Variants in MAP2 observed in about 807,000 individuals in gnomAD.
The protein encoded by MAP2 is microtubule associated protein 2.
MAP2 carries 14 observed loss-of-function variants against 137.6 expected under a neutral mutation model. That is an observed-to-expected ratio of 0.10 (90% CI 0.07 to 0.16). The LOEUF is 0.16. Ranked by LOEUF, MAP2 falls within the 10% of genes least tolerant of loss-of-function variation. MAP2 has a pLI of 1.00. For missense variants in MAP2, 2,088 were observed against 2,191.5 expected (o/e 0.95, Z 0.94); for synonymous variants, 786 against 782.3 (o/e 1.00, Z -0.08).
In MAP2 at chr2:209,455,515, C is replaced by T. The variant is rs555321660; in HGVS notation, c.-222+31239C>T. On this transcript the variant is annotated intron_variant, in intron 1 of 15. Transcript: ENST00000682079. ...AAGTGTACTATTGTTTCATATTTATCATCCCTTGTAATGATCCTCAAATGT... is the reference window on the plus strand; with the variant it reads ...AAGTGTACTATTGTTTCATATTTATTATCCCTTGTAATGATCCTCAAATGT... Among the ~76,000 whole-genome samples, 9 of 152,264 alleles carry T rather than the reference C, an allele frequency of 5.9e-5. No homozygotes were observed. In the South Asian group the frequency reaches 1.7e-3, roughly 28 times the overall value.
chr2:209,573,379 C>T (rs1165171648), intron 2 of MAP2, among the ~76,000 whole-genome samples: 2 of 149,814 alleles, frequency 1.3e-5, no homozygotes, highest in East Asian at 2.0e-4. Flanking sequence ...CCACAACCTC[C>T]GCCTCCTGGG....
intron 1 of MAP2, among the ~76,000 whole-genome samples, chr2:209,499,296 T>C (rs974676646): frequency 3.3e-5 from 5 of 152,150 alleles, no homozygotes; most frequent in African/African-American, 9.7e-5. Flanking sequence ...ACATGTGACC[T>C]TTGCCCCAGT....
At chr2:209,469,806 A>C (rs1705200071) in intron 1 of MAP2, among the ~76,000 whole-genome samples, 1 of 152,202 alleles carries the variant, frequency 6.6e-6, no homozygotes, top group South Asian at 2.1e-4. Context: ...TCTTTCAGCC[A>C]CACACACTAG....
At chr2:209,669,775 A>G (rs1486101756) in intron 5 of MAP2, among the ~76,000 whole-genome samples, 2 of 151,808 alleles carry the variant, frequency 1.3e-5, no homozygotes, top group African/African-American at 4.8e-5. Flanking sequence ...TAACATGTGC[A>G]TACACACACA....
intron 2 of MAP2, among the ~76,000 whole-genome samples, chr2:209,515,600 C>T (rs890887779): frequency 2.6e-5 from 4 of 152,026 alleles, no homozygotes; most frequent in Non-Finnish European, 4.4e-5. Flanking sequence ...GGAGAAACCG[C>T]GCCCATGATT....
In MAP2 at chr2:209,693,613, C is replaced by G; in HGVS notation, c.1443C>G (p.Phe481Leu). 1.2e-6 allele frequency: 2 copies of G among 1,613,968 alleles called. No individual in the cohort carries two copies. Among genetic ancestry groups the G allele is most frequent in the Non-Finnish European group, 1.7e-6 (2 of 1,179,998 alleles). The change falls in exon 8 of 16, where the codon TTC becomes TTG. Residue 481 changes from phenylalanine (F) to leucine (L), a missense_variant. By Grantham distance (22) the Phe-to-Leu change is conservative. Coordinates refer to ENST00000682079, the MANE Select transcript of MAP2 (RefSeq NM_001375505.1). ...TTCAGACCTCCACAGAGCACACTTT[C>G]TCAGAACAGAAAGACCAAGAGCCTA... The part of the protein sequence containing the change: ...GIIQTSTEHT[F>L]SEQKDQEPTT...
intron 1 of MAP2, among the ~76,000 whole-genome samples, chr2:209,438,549 T>A (rs1696939338): frequency 1.3e-5 from 2 of 151,660 alleles, no homozygotes; most frequent in Admixed American, 1.3e-4. Context: ...ACAATTGCAG[T>A]TGCCTTTCTC....
At chr2:209,432,736 A>G (rs866415448) in intron 1 of MAP2, among the ~76,000 whole-genome samples, 1 of 152,250 alleles carries the variant, frequency 6.6e-6, no homozygotes, top group African/African-American at 2.4e-5. Context: ...TTCCATATAC[A>G]TTGATGAAAA....
chr2:209,700,551 G>A (rs1336195611), intron 11 of MAP2, among the ~76,000 whole-genome samples: 1 of 152,106 alleles, frequency 6.6e-6, no homozygotes, highest in East Asian at 1.9e-4. Flanking sequence ...GGCACAGCTG[G>A]ACTGCTTCCT....
intron 13 of MAP2, among the ~76,000 whole-genome samples, chr2:209,711,322 G>A (rs2065372900): frequency 6.6e-6 from 1 of 152,082 alleles, no homozygotes; most frequent in South Asian, 2.1e-4. Context: ...AAAATGTAAA[G>A]CTATCAGGCA....
intron 1 of MAP2, among the ~76,000 whole-genome samples, chr2:209,449,926 A>G (rs1354953289): frequency 1.3e-5 from 2 of 151,432 alleles, no homozygotes; most frequent in Non-Finnish European, 2.9e-5. Context: ...TATCTTTTTT[A>G]TTTTCTTTTA....
intron 1 of MAP2, among the ~76,000 whole-genome samples, chr2:209,490,397 T>G (rs549512056): frequency 6.6e-6 from 1 of 151,932 alleles, no homozygotes; most frequent in African/African-American, 2.4e-5. Context: ...GGTAACATCA[T>G]AATGATGGAA....
intron 2 of MAP2, among the ~76,000 whole-genome samples, chr2:209,563,219 G>T (rs1451497138): frequency 1.3e-5 from 2 of 152,170 alleles, no homozygotes; most frequent in Non-Finnish European, 2.9e-5. Flanking sequence ...TTCATATCCA[G>T]TGGTTTAGTC....
intron 1 of MAP2, among the ~76,000 whole-genome samples, chr2:209,500,019 A>T (rs368221405): frequency 6.6e-6 from 1 of 152,150 alleles, no homozygotes; most frequent in East Asian, 1.9e-4. Flanking sequence ...ATATCCATGC[A>T]ATAGTTGTAA....
chr2:209,731,657 G>A lies in MAP2; in HGVS notation c.*1260G>A, dbSNP rs1273007364. On this transcript the variant is annotated 3_prime_UTR_variant, in exon 16 of 16. Coordinates refer to ENST00000682079, the MANE Select transcript of MAP2 (RefSeq NM_001375505.1). Reference sequence around the variant, plus strand: ...TTTTTTCCATTTGCTAAAGTTGAAAGTTGAAACTAACTATAATAGTTTGAA... The same window carrying A: ...TTTTTTCCATTTGCTAAAGTTGAAAATTGAAACTAACTATAATAGTTTGAA... 1 of 152,264 alleles carries A rather than the reference G, an allele frequency of 6.6e-6. No individual in the cohort carries two copies. The highest frequency in any genetic ancestry group is 1.5e-5 in the Non-Finnish European group (1 of 67,996). 9.4% of individuals were successfully genotyped at this position (152,264 alleles called of 1,614,324 possible).
chr2:209,517,128 A>T (rs1306599377), intron 2 of MAP2, among the ~76,000 whole-genome samples: 1 of 152,074 alleles, frequency 6.6e-6, no homozygotes, highest in Admixed American at 6.6e-5. Context: ...ATCAGGCATC[A>T]TCCTCCCTCT....
intron 3 of MAP2, among the ~76,000 whole-genome samples, chr2:209,612,820 A>T (rs546414258): frequency 1.3e-5 from 2 of 152,194 alleles, no homozygotes; most frequent in South Asian, 4.1e-4. Context: ...TTTTACAGGA[A>T]ATCTTATTTA....
intron 12 of MAP2, among the ~76,000 whole-genome samples, chr2:209,708,731 A>C (rs956724267): frequency 1.3e-5 from 2 of 152,192 alleles, no homozygotes; most frequent in Non-Finnish European, 2.9e-5. Context: ...GCAGTAAAAA[A>C]TGAAAATTAT....
At chr2:209,574,381 A>C (rs1029881874) in intron 2 of MAP2, among the ~76,000 whole-genome samples, 1 of 152,016 alleles carries the variant, frequency 6.6e-6, no homozygotes, top group South Asian at 2.1e-4. Flanking sequence ...GCTAATCTAC[A>C]TTGTGGCAAA....
Sources: allele counts gnomAD v4.1 joint callset (sites outside exome capture counted in the v4.1 genomes callset), GRCh38; gene constraint gnomAD v4.1.1; transcripts MANE v1.5; gene names NCBI Gene and HGNC (gene_info 2026-07-23, HGNC 2026-07-21).